The following MYO3B variants were observed in gnomAD, a reference collection of about 807,000 sequenced individuals.
The protein encoded by MYO3B is myosin-IIIb.
Under a neutral mutation model 174.6 loss-of-function variants are expected in MYO3B, and 156 were observed. The observed-to-expected ratio is 0.89, with a 90% CI of 0.78 to 1.02. MYO3B has a LOEUF of 1.02. Ranked by LOEUF, MYO3B falls within the 50% of genes least tolerant of loss-of-function variation. The pLI, the probability that MYO3B is intolerant of heterozygous loss-of-function variation, is 0.00. For synonymous variants in MYO3B, 563 were observed against 569.1 expected (o/e 0.99, Z 0.15); for missense variants, 1,632 against 1,639.4 (o/e 1.00, Z 0.08).
At chr2:170,509,717 T>C (rs778561493) in intron 28 of MYO3B, among the ~76,000 whole-genome samples, 3 of 152,228 alleles carry the variant, frequency 2.0e-5, no homozygotes, top group South Asian at 2.1e-4. Flanking sequence ...CTTTTGCAAC[T>C]TGTTCTGAAA....
At chr2:170,643,717 C>T (rs1002252889) in intron 32 of MYO3B, 3 of 152,354 alleles carry the variant, frequency 2.0e-5, no homozygotes, top group Admixed American at 6.5e-5. Flanking sequence ...GTATCCGTAC[C>T]TGATGAAGGA....
At chr2:170,477,323 G>A (rs1054411112) in intron 25 of MYO3B, among the ~76,000 whole-genome samples, 1 of 152,132 alleles carries the variant, frequency 6.6e-6, no homozygotes, top group Non-Finnish European at 1.5e-5. Context: ...ACTAGTTGTT[G>A]CTCCATCCTC....
chr2:170,514,622 A>G (rs745588977), intron 28 of MYO3B, among the ~76,000 whole-genome samples: 1 of 152,200 alleles, frequency 6.6e-6, no homozygotes, highest in Non-Finnish European at 1.5e-5. Flanking sequence ...GAGTTTCCCT[A>G]TTTGACTAAT....
chr2:170,521,820 A>G (rs1405763477), intron 30 of MYO3B, among the ~76,000 whole-genome samples: 2 of 151,930 alleles, frequency 1.3e-5, no homozygotes, highest in African/African-American at 4.8e-5. Flanking sequence ...TCATTTCCTC[A>G]CTAAACCAAC....
chr2:170,204,712 G>A (rs906457958), intron 3 of MYO3B, among the ~76,000 whole-genome samples: 2 of 152,172 alleles, frequency 1.3e-5, no homozygotes, highest in Non-Finnish European at 1.5e-5. Flanking sequence ...CTGCAGGAAT[G>A]AAAACACACT....
At chr2:170,354,562 G>A (rs2094104933) in intron 8 of MYO3B, among the ~76,000 whole-genome samples, 1 of 152,190 alleles carries the variant, frequency 6.6e-6, no homozygotes. Context: ...AGAAACCCAT[G>A]CATAGAGTTA....
chr2:170,624,310 G>A (rs980373351), intron 32 of MYO3B, among the ~76,000 whole-genome samples: 8 of 152,010 alleles, frequency 5.3e-5, no homozygotes, highest in African/African-American at 1.7e-4. Flanking sequence ...GTTGCATTCC[G>A]AGGCATTTTA....
chr2:170,327,555 C>A (rs934201864), intron 7 of MYO3B, among the ~76,000 whole-genome samples: 1 of 139,024 alleles, frequency 7.2e-6, no homozygotes, highest in Non-Finnish European at 1.6e-5. Context: ...GATCTAGGAG[C>A]ATTTTGTCTT....
At position 170,232,929 on chromosome 2, in the gene MYO3B, A is replaced by G. The variant is rs540272349; in HGVS notation, c.604-3062A>G. 2.1e-3 allele frequency among the ~76,000 whole-genome samples: 324 copies of G among 152,368 alleles called. 2 individuals carry two copies. The highest frequency in any genetic ancestry group is 7.3e-3 in the African/African-American group (304 of 41,596). On this transcript the variant is annotated intron_variant, in intron 6 of 34. Transcript: ENST00000408978. The stretch of plus-strand genomic sequence containing the variant: ...TAGGCCAAGATATGATTTTCTATTC[A>G]TCAGAATGAGCTGAAGATAATGTTT...
At chr2:170,545,616 T>A (rs1690430374) in intron 32 of MYO3B, among the ~76,000 whole-genome samples, 1 of 152,252 alleles carries the variant, frequency 6.6e-6, no homozygotes, top group Non-Finnish European at 1.5e-5. Flanking sequence ...CTTGTTGGAT[T>A]ACAATAATCT....
chr2:170,482,451 G>A (rs1045868510), intron 25 of MYO3B, among the ~76,000 whole-genome samples: 1 of 152,168 alleles, frequency 6.6e-6, no homozygotes, highest in African/African-American at 2.4e-5. Context: ...CACAGTGCCC[G>A]GCCCAAGCTC....
chr2:170,369,685 AT>A (rs56283055), intron 9 of MYO3B, among the ~76,000 whole-genome samples: 28,394 of 147,162 alleles, frequency 0.19, 3,069 homozygotes, highest in African/African-American at 0.29. Flanking sequence ...AGAAATTTGG[AT>A]TTTTTTTTTT....
At chr2:170,606,983 G>T (rs1035473840) in intron 32 of MYO3B, among the ~76,000 whole-genome samples, 11 of 152,114 alleles carry the variant, frequency 7.2e-5, no homozygotes, top group African/African-American at 2.7e-4. Flanking sequence ...TAGCGCCATT[G>T]CACTCCAGCC....
intron 22 of MYO3B, among the ~76,000 whole-genome samples, chr2:170,413,169 T>C (rs2016702): frequency 6.6e-6 from 1 of 151,850 alleles, no homozygotes; most frequent in Non-Finnish European, 1.5e-5. Context: ...TAGAAGGAAA[T>C]GTCAGGGAAA....
chr2:170,296,753 TA>T (rs1444552258), intron 7 of MYO3B, among the ~76,000 whole-genome samples: 1 of 152,162 alleles, frequency 6.6e-6, no homozygotes, highest in Non-Finnish European at 1.5e-5. Flanking sequence ...CCACAGGCTG[TA>T]AAGGAAGCAT....
chr2:170,366,230 C>T (rs1205296459), intron 8 of MYO3B, among the ~76,000 whole-genome samples: 15 of 152,258 alleles, frequency 9.9e-5, no homozygotes, highest in South Asian at 2.1e-4. Context: ...GGGTTTATCA[C>T]GCAGACATTC....
chr2:170,566,222 T>C (rs1692068991), intron 32 of MYO3B, among the ~76,000 whole-genome samples: 1 of 152,196 alleles, frequency 6.6e-6, no homozygotes, highest in Admixed American at 6.5e-5. Context: ...GCATCTAAAA[T>C]AGGAGATTAA....
At chr2:170,312,631 G>A (rs182891640) in intron 7 of MYO3B, among the ~76,000 whole-genome samples, 2 of 152,334 alleles carry the variant, frequency 1.3e-5, no homozygotes, top group Admixed American at 6.5e-5. Flanking sequence ...GTGGAAGGCT[G>A]GTGGGAAGGA....
chr2:170,199,092 G>A, intron 1 of MYO3B, 116 bp from the exon 2 acceptor site: 3 of 683,520 alleles, frequency 4.4e-6, no homozygotes, highest in Non-Finnish European at 6.8e-6. Flanking sequence ...AATAGAGGAA[G>A]AAAATAAAAA....
Sources: allele counts gnomAD v4.1 joint callset (sites outside exome capture counted in the v4.1 genomes callset), GRCh38; gene constraint gnomAD v4.1.1; transcripts MANE v1.5; gene names NCBI Gene and HGNC (gene_info 2026-07-23, HGNC 2026-07-21).